Variants in GLYATL3 observed in about 807,000 individuals in gnomAD.
GLYATL3 encodes glycine-N-acyltransferase like 3.
In GLYATL3, 31 loss-of-function variants were observed where a neutral mutation model predicts 28.5. That is an observed-to-expected ratio of 1.09 (90% CI 0.82 to 1.47). The LOEUF (loss-of-function observed/expected upper bound fraction) is 1.47, where lower values mean the gene tolerates loss of function less well. Among genes scored for constraint, GLYATL3 ranks in the 40% most tolerant of loss-of-function variants. The pLI is 0.00. For synonymous variants in GLYATL3, 141 were observed against 140.2 expected (o/e 1.01, Z -0.04); for missense variants, 369 against 351.5 (o/e 1.05, Z -0.40).
At chr6:49,521,242 C>G (rs1769311150) in intron 4 of GLYATL3, among the ~76,000 whole-genome samples, 1 of 152,104 alleles carries the variant, frequency 6.6e-6, no homozygotes, top group South Asian at 2.1e-4. Flanking sequence ...AGTTGGTTTG[C>G]CACGCCAAAC....
At position 49,526,554 on chromosome 6, in the gene GLYATL3, G is replaced by A. The variant is rs964687812; in HGVS notation, c.507G>A (p.Trp169Ter). ...VANADLLNRTWSRGGNEQCLR... is the reference protein window; with the variant it reads ...VANADLLNRT ...ATGCGGATCTACTCAACCGGACTTG[G>A]TCCCGGGGAGGCAATGAACAATGTC... Residue 169 changes from tryptophan (W) to a stop codon, truncating the protein, a stop_gained, in exon 6 of 6, where the codon TGG (tryptophan) becomes TGA (stop). Coordinates refer to ENST00000371197, the MANE Select transcript of GLYATL3 (RefSeq NM_001010904.2). LOFTEE classifies it high-confidence loss of function. 6.4e-7 allele frequency: 1 copy of A among 1,551,666 alleles called. No individual in the cohort carries two copies. Among genetic ancestry groups the A allele is most frequent in the African/African-American group, 1.4e-5 (1 of 73,034 alleles).
intron 4 of GLYATL3, among the ~76,000 whole-genome samples, chr6:49,518,726 G>T (rs1769259863): frequency 2.6e-5 from 4 of 152,092 alleles, no homozygotes; most frequent in Admixed American, 2.6e-4. Context: ...AGATCGTGAG[G>T]TCAGGAGATT....
Position 49,501,614 on chromosome 6 carries a change from CAG to C in GLYATL3, c.-29+1574_-29+1575del, listed in dbSNP as rs570025313. 2.9e-3 allele frequency among the ~76,000 whole-genome samples: 442 copies of C among 152,316 alleles called. 1 individual carries two copies. The highest frequency in any genetic ancestry group is 6.9e-3 in the African/African-American group (288 of 41,568). ...AGTAATTTCTAACAGAGCCTTAAAA[CAG>C]AAACACAGTCTTTCCATAACCTATG... On this transcript the variant is annotated intron_variant, in intron 1 of 5. Coordinates refer to ENST00000371197, the MANE Select transcript of GLYATL3 (RefSeq NM_001010904.2).
chr6:49,515,704 G>T lies in GLYATL3; in HGVS notation c.130G>T (p.Val44Leu), dbSNP rs780060834. ...INRGNPFQKE[V>L]VLDSWPDFKA... ...TCGTGGGAACCCCTTTCAAAAGGAAGTGGTGTTGGATTCATGGCCGGATTT... is the reference window on the plus strand; with the variant it reads ...TCGTGGGAACCCCTTTCAAAAGGAATTGGTGTTGGATTCATGGCCGGATTT... The change falls in exon 3 of 6, where the codon GTG (valine) becomes TTG (leucine). Residue 44 changes from valine (V) to leucine (L), a missense_variant. By Grantham distance (32) the Val-to-Leu change is conservative. Coordinates refer to ENST00000371197, the MANE Select transcript of GLYATL3 (RefSeq NM_001010904.2). The T allele has an allele frequency of 5.8e-6, 9 of 1,551,654 alleles. No homozygotes were observed. The South Asian group carries it at 9.5e-5, about 16-fold the overall frequency.
At chr6:49,500,332 G>C (rs1272785372) in intron 1 of GLYATL3, among the ~76,000 whole-genome samples, 1 of 152,028 alleles carries the variant, frequency 6.6e-6, no homozygotes, top group South Asian at 2.1e-4. Context: ...GGCACAACTA[G>C]AGCAACCTCT....
intron 1 of GLYATL3, among the ~76,000 whole-genome samples, chr6:49,509,940 TTTTCTTTCTCTTTCTTTC>T (rs57903779): frequency 0.14 from 16,888 of 124,512 alleles, 1,249 homozygotes; most frequent in Non-Finnish European, 0.18. Context: ...ATTTTACGTA[TTTTCTTTCTCTTTCTTTC>T]TTTCTTTCTT....
intron 1 of GLYATL3, among the ~76,000 whole-genome samples, chr6:49,508,029 T>C (rs1769045124): frequency 6.6e-6 from 1 of 152,164 alleles, no homozygotes; most frequent in African/African-American, 2.4e-5. Flanking sequence ...CAGTAATTTC[T>C]AACAGAGCTT....
At chr6:49,523,343 C>A (rs1486947478) in intron 5 of GLYATL3, among the ~76,000 whole-genome samples, 1 of 152,200 alleles carries the variant, frequency 6.6e-6, no homozygotes, top group Non-Finnish European at 1.5e-5. Context: ...CAGGCATGAG[C>A]CACCGTGCTC....
intron 1 of GLYATL3, among the ~76,000 whole-genome samples, chr6:49,509,969 T>C (rs1238897059): frequency 3.4e-5 from 5 of 145,964 alleles, no homozygotes; most frequent in African/African-American, 1.3e-4. Context: ...TTTCTTTCTT[T>C]CTTTCTTTCT....
At chr6:49,500,814 A>C (rs1173543875) in intron 1 of GLYATL3, among the ~76,000 whole-genome samples, 1 of 152,194 alleles carries the variant, frequency 6.6e-6, no homozygotes, top group Non-Finnish European at 1.5e-5. Flanking sequence ...AATCGTCATT[A>C]TGACTCTCTA....
chr6:49,518,030 G>GT lies in GLYATL3; in HGVS notation c.313+482dup, dbSNP rs543373406. Among the ~76,000 whole-genome samples the GT allele has an allele frequency of 6.3e-4, 95 of 151,968 alleles. No individual in the cohort carries two copies. The East Asian group carries it at 6.4e-3, about 10-fold the overall frequency. ...CTGCATAAAATGTCCTCAAATGACT[G>GT]TTTTTTTTCTGAGTCAAGGTCTTGC... On this transcript the variant is annotated intron_variant, in intron 4 of 5. Transcript: ENST00000371197.
At chr6:49,506,710 C>T (rs536532569) in intron 1 of GLYATL3, among the ~76,000 whole-genome samples, 32 of 152,140 alleles carry the variant, frequency 2.1e-4, no homozygotes, top group Admixed American at 7.9e-4. Flanking sequence ...GAGACAAGGA[C>T]GGCTCAATAG....
chr6:49,527,120 G>A lies in GLYATL3; in HGVS notation c.*206G>A. The A allele has an allele frequency of 1.9e-6, 1 of 528,836 alleles. No individual in the cohort carries two copies. The highest frequency in any genetic ancestry group is 3.0e-5 in the East Asian group (1 of 33,836). 32.8% of individuals were successfully genotyped at this position (528,836 alleles called of 1,614,324 possible). A position where few individuals can be genotyped will look rare whatever the true frequency, so the allele number is the denominator to read the frequency against. On this transcript the variant is annotated 3_prime_UTR_variant, in exon 6 of 6. Coordinates refer to ENST00000371197, the MANE Select transcript of GLYATL3 (RefSeq NM_001010904.2). ...TAAATAGCTGTGGGGGTGAAGAGTA[G>A]CTGTGGCTGAAGACTGAGGACGATT...
rs897665526 is a variant in GLYATL3, at chr6:49,527,531, G to C, written c.*617G>C. Among the ~76,000 whole-genome samples, 16 of 152,126 alleles carry C rather than the reference G, an allele frequency of 1.1e-4. No homozygotes were observed. Among genetic ancestry groups the C allele is most frequent in the African/African-American group, 3.4e-4 (14 of 41,416 alleles). On this transcript the variant is annotated 3_prime_UTR_variant, in exon 6 of 6. Coordinates refer to ENST00000371197, the MANE Select transcript of GLYATL3 (RefSeq NM_001010904.2). ...TTAGTGTTTATCAGAATCACCCAGAGGGCAGGTTGCAACACACATCACTAG... is the reference window on the plus strand; with the variant it reads ...TTAGTGTTTATCAGAATCACCCAGACGGCAGGTTGCAACACACATCACTAG...
intron 1 of GLYATL3, among the ~76,000 whole-genome samples, chr6:49,502,265 C>T (rs1366278341): frequency 5.3e-5 from 8 of 152,080 alleles, no homozygotes; most frequent in Non-Finnish European, 8.8e-5. Context: ...ACAAAATTAA[C>T]AATAGTGGAT....
chr6:49,526,615 AGT>A lies in GLYATL3; in HGVS notation c.577_578del (p.Val193ProfsTer3), dbSNP rs1057327578. 5.8e-6 allele frequency: 9 copies of A among 1,551,720 alleles called. No homozygotes were observed. In the Middle Eastern group the frequency reaches 5.0e-4, roughly 86 times the overall value. Reference protein sequence around the residue: ...YIANLISCFPSVCVRDEKGNP... With the variant: ...YIANLISCFPXVCVRDEKGNP... ...CGCCAACCTCATCTCCTGCTTCCCT[AGT>A]GTGTGTGTCCGGGATGAGAAGGGAA... On this transcript the variant is annotated frameshift_variant, in exon 6 of 6. Coordinates refer to ENST00000371197, the MANE Select transcript of GLYATL3 (RefSeq NM_001010904.2). LOFTEE classifies it high-confidence loss of function.
At chr6:49,501,212 C>T (rs1768906835) in intron 1 of GLYATL3, among the ~76,000 whole-genome samples, 1 of 151,932 alleles carries the variant, frequency 6.6e-6, no homozygotes, top group South Asian at 2.1e-4. Context: ...TCAGCCTAGC[C>T]AACATGGTGA....
chr6:49,517,397 T>C (rs942696507), intron 3 of GLYATL3, 33 bp from the exon 4 acceptor site: 10 of 1,492,726 alleles, frequency 6.7e-6, no homozygotes, highest in Non-Finnish European at 8.1e-6. Context: ...AGATAATACG[T>C]TTATGTTTTT....
At chr6:49,508,587 C>A (rs899534602) in intron 1 of GLYATL3, among the ~76,000 whole-genome samples, 3 of 152,152 alleles carry the variant, frequency 2.0e-5, no homozygotes, top group African/African-American at 7.2e-5. Context: ...AGGCTCTCCA[C>A]AACGGTCGCA....
Sources: gnomAD v4.1 joint callset for allele counts (sites outside exome capture counted in the v4.1 genomes callset) on GRCh38, gnomAD v4.1.1 for gene constraint, MANE v1.5 for transcripts, NCBI Gene and HGNC (gene_info 2026-07-23, HGNC 2026-07-21) for gene names.